The following FOXN3 variants were observed in gnomAD, a reference collection of about 807,000 sequenced individuals.
FOXN3 encodes the protein forkhead box protein N3.
FOXN3 carries 7 observed loss-of-function variants against 38.4 expected under a neutral mutation model. The ratio of observed to expected loss-of-function variants is 0.18; its 90% CI spans 0.10 to 0.34. FOXN3 has a LOEUF of 0.34. FOXN3 is among the 10% of genes least tolerant of loss of function. The probability of loss-of-function intolerance (pLI) is 1.00; values close to 1 mark genes in which losing one functional copy is unlikely to be tolerated. For synonymous variants in FOXN3, 230 were observed against 242.2 expected, an observed-to-expected ratio of 0.95 and a Z score of 0.47; for missense variants, 456 against 613.4, an observed-to-expected ratio of 0.74 and a Z score of 2.71.
At chr14:89,220,564 A>T (rs1884432327) in intron 4 of FOXN3, among the ~76,000 whole-genome samples, 1 of 152,148 alleles carries the variant, frequency 6.6e-6, no homozygotes, top group Non-Finnish European at 1.5e-5. Flanking sequence ...CCTACTTCAT[A>T]CTACCTACTG....
At chr14:89,475,631 G>T (rs1176323069) in intron 1 of FOXN3, among the ~76,000 whole-genome samples, 1 of 152,154 alleles carries the variant, frequency 6.6e-6, no homozygotes, top group Non-Finnish European at 1.5e-5. Context: ...CTCCAGCCTG[G>T]CCAGCAGAGT....
At chr14:89,350,607 G>A (rs556211711) in intron 3 of FOXN3, 65 bp downstream of exon 3, 140 of 1,324,052 alleles carry the variant, frequency 1.1e-4, no homozygotes, top group African/African-American at 5.2e-4. Context: ...ATTAATTTCC[G>A]CGCAGGTCTC....
intron 1 of FOXN3, among the ~76,000 whole-genome samples, chr14:89,564,098 AC>A (rs1895301276): frequency 6.6e-6 from 1 of 151,654 alleles, no homozygotes; most frequent in South Asian, 2.1e-4. Flanking sequence ...CAAGTAATCC[AC>A]CCGCCTCGGC....
At chr14:89,468,519 A>G (rs569273418) in intron 1 of FOXN3, among the ~76,000 whole-genome samples, 2 of 152,216 alleles carry the variant, frequency 1.3e-5, no homozygotes, top group South Asian at 4.1e-4. Context: ...TCCCATGCCA[A>G]TTTCTAACTA....
chr14:89,233,288 C>T (rs1044987182), intron 4 of FOXN3, among the ~76,000 whole-genome samples: 4 of 152,286 alleles, frequency 2.6e-5, no homozygotes, highest in African/African-American at 9.6e-5. Context: ...TGCTCTACTT[C>T]ACCCTGCAGG....
chr14:89,535,038 C>A (rs758929151), intron 1 of FOXN3, among the ~76,000 whole-genome samples: 37 of 152,178 alleles, frequency 2.4e-4, no homozygotes, highest in Non-Finnish European at 4.6e-4. Context: ...TATTCCTTCC[C>A]ATTAAGGCAT....
chr14:89,440,755 G>C (rs893205467), intron 1 of FOXN3, among the ~76,000 whole-genome samples: 1 of 152,174 alleles, frequency 6.6e-6, no homozygotes, highest in African/African-American at 2.4e-5. Context: ...CAGCCTTGTT[G>C]CTCACACAAA....
At chr14:89,330,465 A>G (rs1175791817) in intron 3 of FOXN3, among the ~76,000 whole-genome samples, 3 of 152,252 alleles carry the variant, frequency 2.0e-5, no homozygotes, top group Non-Finnish European at 4.4e-5. Context: ...GCAAGAGTAC[A>G]GAATGGAGCC....
chr14:89,180,264 T>C (rs1235996850), intron 5 of FOXN3, among the ~76,000 whole-genome samples: 1 of 152,186 alleles, frequency 6.6e-6, no homozygotes, highest in Non-Finnish European at 1.5e-5. Flanking sequence ...CATCTGATTT[T>C]GCATTTGATT....
At chr14:89,544,807 G>T (rs1254771683) in intron 1 of FOXN3, among the ~76,000 whole-genome samples, 5 of 152,116 alleles carry the variant, frequency 3.3e-5, no homozygotes, top group East Asian at 1.9e-4. Flanking sequence ...CTAGACAAAG[G>T]GATGATTCAT....
chr14:89,330,573 A>T (rs892979047), intron 3 of FOXN3, among the ~76,000 whole-genome samples: 3 of 152,200 alleles, frequency 2.0e-5, no homozygotes, highest in Non-Finnish European at 4.4e-5. Context: ...AAGAGTAAAG[A>T]GAGAAAAGGC....
intron 1 of FOXN3, among the ~76,000 whole-genome samples, chr14:89,541,213 T>C (rs1478143884): frequency 6.6e-6 from 1 of 152,152 alleles, no homozygotes; most frequent in Non-Finnish European, 1.5e-5. Flanking sequence ...TGGGTGGTGC[T>C]GTAAGAGGTG....
intron 2 of FOXN3, among the ~76,000 whole-genome samples, chr14:89,376,310 A>C (rs1890475565): frequency 6.6e-6 from 1 of 152,240 alleles, no homozygotes; most frequent in Non-Finnish European, 1.5e-5. Context: ...AACAATTATT[A>C]TAATTGATTA....
At chr14:89,556,005 T>A (rs59059819) in intron 1 of FOXN3, among the ~76,000 whole-genome samples, 5,126 of 152,104 alleles carry the variant, frequency 0.034, 262 homozygotes, top group African/African-American at 0.12. Context: ...TGATGAATTT[T>A]TACTTTCTAT....
chr14:89,285,523 CA>C (rs57236792), intron 3 of FOXN3, among the ~76,000 whole-genome samples: 77,079 of 132,502 alleles, frequency 0.58, 20,193 homozygotes, highest in East Asian at 0.69. Flanking sequence ...CGTCTCAAAA[CA>C]AAAAAAAAAA....
At chr14:89,472,117 T>C (rs1182184683) in intron 1 of FOXN3, among the ~76,000 whole-genome samples, 1 of 152,090 alleles carries the variant, frequency 6.6e-6, no homozygotes, top group Admixed American at 6.5e-5. Flanking sequence ...TTAGCTGGCA[T>C]GGTGGCGGGT....
At chr14:89,525,064 G>A (rs547028280) in intron 1 of FOXN3, among the ~76,000 whole-genome samples, 25 of 152,148 alleles carry the variant, frequency 1.6e-4, no homozygotes, top group Admixed American at 8.5e-4. Flanking sequence ...TTATAAAAGC[G>A]CGGGGCTGGG....
At chr14:89,486,575 C>T (rs1352881772) in intron 1 of FOXN3, 2 of 152,134 alleles carry the variant, frequency 1.3e-5, no homozygotes, top group South Asian at 4.1e-4. Flanking sequence ...TTACCTGAGT[C>T]GGAATGGGTC....
intron 2 of FOXN3, chr14:89,351,446 A>G (rs1888968228): frequency 6.6e-6 from 1 of 152,134 alleles, no homozygotes; most frequent in South Asian, 2.1e-4. Context: ...GTTCCCAGCA[A>G]TCGACTCCAG....
Sources: allele counts gnomAD v4.1 joint callset (sites outside exome capture counted in the v4.1 genomes callset), GRCh38; gene constraint gnomAD v4.1.1; transcripts MANE v1.5; gene names NCBI Gene and HGNC (gene_info 2026-07-23, HGNC 2026-07-21).